The following TBC1D1 variants were observed in gnomAD, a reference collection of about 807,000 sequenced individuals.
TBC1D1 encodes TBC1 (tre-2/USP6, BUB2, cdc16) domain family, member 1.
TBC1D1 carries 89 observed loss-of-function variants against 125.6 expected under a neutral mutation model. The ratio of observed to expected loss-of-function variants is 0.71; its 90% CI spans 0.60 to 0.85. The LOEUF (loss-of-function observed/expected upper bound fraction) is 0.85, where lower values mean the gene tolerates loss of function less well. Among genes scored for constraint, TBC1D1 ranks in the 40% least tolerant of loss-of-function variants. The probability of loss-of-function intolerance (pLI) is 0.00; values close to 1 mark genes in which losing one functional copy is unlikely to be tolerated. For missense variants in TBC1D1, 1,377 were observed against 1,469.2 expected, an observed-to-expected ratio of 0.94 and a Z score of 1.03; for synonymous variants, 565 against 564.1, an observed-to-expected ratio of 1.00 and a Z score of -0.02.
chr4:37,988,112 G>A (rs1735823593), intron 2 of TBC1D1, among the ~76,000 whole-genome samples: 1 of 152,234 alleles, frequency 6.6e-6, no homozygotes, highest in Non-Finnish European at 1.5e-5. Context: ...GCTGATGTAA[G>A]TGCATGTAAA....
At chr4:37,936,783 T>C (rs1359704874) in intron 2 of TBC1D1, among the ~76,000 whole-genome samples, 2 of 152,214 alleles carry the variant, frequency 1.3e-5, no homozygotes, top group African/African-American at 4.8e-5. Context: ...ATGGGATTTT[T>C]ATCTGTTTTG....
chr4:38,000,859 G>C (rs1181084368), intron 2 of TBC1D1, among the ~76,000 whole-genome samples: 1 of 152,164 alleles, frequency 6.6e-6, no homozygotes. Context: ...CTCAGGGTCA[G>C]TCATTTGCTA....
intron 2 of TBC1D1, among the ~76,000 whole-genome samples, chr4:38,013,283 TG>T (rs1741924483): frequency 1.3e-5 from 2 of 152,168 alleles, no homozygotes; most frequent in African/African-American, 4.8e-5. Flanking sequence ...TTCGAGTCAT[TG>T]GTTTTGGGAA....
At chr4:38,080,682 C>T (rs1004706282) in intron 12 of TBC1D1, among the ~76,000 whole-genome samples, 3 of 151,944 alleles carry the variant, frequency 2.0e-5, no homozygotes, top group African/African-American at 7.3e-5. Context: ...CTCACCCCGA[C>T]GAACGTCTCA....
At chr4:37,961,134 T>G in intron 2 of TBC1D1, 1 of 1,328,444 alleles carries the variant, frequency 7.5e-7, no homozygotes, top group Non-Finnish European at 1.1e-6. Flanking sequence ...ATAAAGTGGG[T>G]CATATTCCTC....
At chr4:37,925,098 G>A (rs145864241) in intron 2 of TBC1D1, among the ~76,000 whole-genome samples, 2 of 152,204 alleles carry the variant, frequency 1.3e-5, no homozygotes, top group Admixed American at 6.5e-5. Context: ...AAGCCGTGAA[G>A]GAACACACAT....
intron 2 of TBC1D1, among the ~76,000 whole-genome samples, chr4:37,928,974 T>C (rs1460842634): frequency 1.3e-5 from 2 of 152,196 alleles, no homozygotes; most frequent in Non-Finnish European, 2.9e-5. Context: ...TTAGGAACTG[T>C]GGGTGAGGAA....
chr4:38,090,352 T>C (rs898195329), intron 13 of TBC1D1, among the ~76,000 whole-genome samples: 2 of 152,266 alleles, frequency 1.3e-5, no homozygotes, highest in African/African-American at 2.4e-5. Context: ...GTTAGTACAG[T>C]GTTTAGAACT....
Position 37,977,415 on chromosome 4 carries a change from CCCGCCCCCGG to C in TBC1D1, c.418-37087_418-37078del, listed in dbSNP as rs1733383198. The C allele has an allele frequency of 1.1e-6, 1 of 887,130 alleles. No individual in the cohort carries two copies. Among genetic ancestry groups the C allele is most frequent in the Non-Finnish European group, 1.3e-6 (1 of 741,890 alleles). 55.0% of individuals were successfully genotyped at this position (887,130 alleles called of 1,614,324 possible). On this transcript the variant is annotated intron_variant, in intron 2 of 19. Coordinates refer to ENST00000261439, the MANE Select transcript of TBC1D1 (RefSeq NM_015173.4). The surrounding 1 kb of genome is among the most constrained non-coding windows in gnomAD (Gnocchi z 4.3). Reference sequence around the variant, plus strand: ...TGCCCCGGCCCCGCCGCTCCCCAAGCCCGCCCCCGGCCGCCCGCGGGCCCACGGGCCGGCG... The same window carrying C: ...TGCCCCGGCCCCGCCGCTCCCCAAGCCCGCCCGCGGGCCCACGGGCCGGCG...
intron 12 of TBC1D1, among the ~76,000 whole-genome samples, chr4:38,066,594 A>G (rs1753767504): frequency 6.6e-6 from 1 of 152,128 alleles, no homozygotes; most frequent in Admixed American, 6.6e-5. Flanking sequence ...CAGACTCCCA[A>G]CATGCTGGGA....
intron 2 of TBC1D1, among the ~76,000 whole-genome samples, chr4:37,925,285 A>G (rs1721836510): frequency 6.6e-6 from 1 of 152,130 alleles, no homozygotes; most frequent in Non-Finnish European, 1.5e-5. Context: ...TGCCATTTAC[A>G]CTGCTGGGTT....
chr4:38,088,979 C>T (rs1757996241), intron 12 of TBC1D1, among the ~76,000 whole-genome samples: 1 of 152,070 alleles, frequency 6.6e-6, no homozygotes. Context: ...TAACATCCTC[C>T]TATAATGCAT....
At position 38,138,352 on chromosome 4, in the gene TBC1D1, G is replaced by A. The variant is rs1467215074; in HGVS notation, c.*1017G>A. 2 of 152,258 alleles carry A rather than the reference G, an allele frequency of 1.3e-5. No homozygotes were observed. Among genetic ancestry groups the A allele is most frequent in the African/African-American group, 2.4e-5 (1 of 41,416 alleles). 9.4% of individuals were successfully genotyped at this position (152,258 alleles called of 1,614,324 possible). Reference sequence around the variant, plus strand: ...TATTTATTTTTGCCTGTTGTGTGATGTAATGCAATCATGTTCCTTTGAGTC... The same window carrying A: ...TATTTATTTTTGCCTGTTGTGTGATATAATGCAATCATGTTCCTTTGAGTC... On this transcript the variant is annotated 3_prime_UTR_variant, in exon 20 of 20. Coordinates refer to ENST00000261439, the MANE Select transcript of TBC1D1 (RefSeq NM_015173.4).
At position 38,090,116 on chromosome 4, in the gene TBC1D1, A is replaced by G; in HGVS notation, c.2235A>G (p.Gln745=). 2 of 1,614,068 alleles carry G rather than the reference A, an allele frequency of 1.2e-6. No homozygotes were observed. Among genetic ancestry groups the G allele is most frequent in the Non-Finnish European group, 1.7e-6 (2 of 1,179,950 alleles). ...TGGAGAAGGAAAATCAGAAGCTCCA[A>G]GGTTGGTTTGCCATCTTGATATTGA... Residue 745 remains glutamine, a splice_region_variant and synonymous_variant, in exon 13 of 20, where the codon CAA becomes CAG. Coordinates refer to ENST00000261439, the MANE Select transcript of TBC1D1 (RefSeq NM_015173.4).
intron 2 of TBC1D1, among the ~76,000 whole-genome samples, chr4:37,967,214 G>A (rs1244178473): frequency 6.6e-6 from 1 of 152,164 alleles, no homozygotes; most frequent in Non-Finnish European, 1.5e-5. Flanking sequence ...AAAAAAGAGG[G>A]CCGGGCACAG....
At chr4:37,910,591 A>G (rs1004444976) in intron 2 of TBC1D1, among the ~76,000 whole-genome samples, 3 of 152,164 alleles carry the variant, frequency 2.0e-5, no homozygotes, top group South Asian at 2.1e-4. Flanking sequence ...GGGAGCTAAA[A>G]ATTAAAACAA....
In TBC1D1 at chr4:38,114,773, C is replaced by CT. The variant is rs796857147; in HGVS notation, c.2558-925dup. ...GTGAAAATAATCAGGATGTTGAGAG[C>CT]TTTTTTTTTTTTCTTTTAAACTCTT... On this transcript the variant is annotated intron_variant, in intron 15 of 19. Transcript: ENST00000261439. 1.0e-3 allele frequency among the ~76,000 whole-genome samples: 148 copies of CT among 145,846 alleles called. 1 individual carries two copies. Among genetic ancestry groups the CT allele is most frequent in the African/African-American group, 1.6e-3 (63 of 40,008 alleles).
At chr4:38,099,342 C>G (rs1011566106) in intron 14 of TBC1D1, among the ~76,000 whole-genome samples, 1 of 152,140 alleles carries the variant, frequency 6.6e-6, no homozygotes, top group Non-Finnish European at 1.5e-5. Flanking sequence ...ACAGCATGGT[C>G]TCCTGTACTG....
chr4:37,994,648 C>T (rs1009284909), intron 2 of TBC1D1, among the ~76,000 whole-genome samples: 5 of 152,180 alleles, frequency 3.3e-5, no homozygotes, highest in Non-Finnish European at 7.4e-5. Flanking sequence ...AGCCTCTGTT[C>T]ATGCATTTTA....
Sources: allele counts gnomAD v4.1 joint callset (sites outside exome capture counted in the v4.1 genomes callset), GRCh38; gene constraint gnomAD v4.1.1; non-coding constraint Gnocchi (gnomAD v3.1); transcripts MANE v1.5; gene names NCBI Gene and HGNC (gene_info 2026-07-23, HGNC 2026-07-21).